The following PDE7B variants were observed in gnomAD, a reference collection of about 807,000 sequenced individuals.
PDE7B encodes 3',5'-cyclic-AMP phosphodiesterase 7B.
A neutral mutation model predicts 56.2 loss-of-function variants in PDE7B; 29 were observed. The observed-to-expected ratio is 0.52, with a 90% CI of 0.38 to 0.70. The LOEUF (loss-of-function observed/expected upper bound fraction) is 0.70. Ranked by LOEUF, PDE7B falls within the 30% of genes least tolerant of loss-of-function variation. The pLI, the probability that PDE7B is intolerant of heterozygous loss-of-function variation, is 0.00. For synonymous variants in PDE7B, 197 were observed against 196.9 expected, an observed-to-expected ratio of 1.00 and a Z score of 0.00; for missense variants, 490 against 565.0, an observed-to-expected ratio of 0.87 and a Z score of 1.35.
rs149249870 is a variant in PDE7B at position 136,015,565 on chromosome 6, G to C, written c.82+68041G>C. Among the ~76,000 whole-genome samples the C allele has an allele frequency of 1.4e-4, 21 of 152,278 alleles. No homozygotes were observed. In the East Asian group the frequency reaches 4.1e-3, roughly 29 times the overall value. Reference sequence around the variant, plus strand: ...AAGTAATATTTAAAATAAGAGAAAGGTTGGAAAATTGACCACACAATACAT... The same window carrying C: ...AAGTAATATTTAAAATAAGAGAAAGCTTGGAAAATTGACCACACAATACAT... On this transcript the variant is annotated intron_variant, in intron 2 of 12. Coordinates refer to ENST00000308191, the MANE Select transcript of PDE7B (RefSeq NM_018945.4).
At chr6:136,071,014 G>T (rs1391274665) in intron 2 of PDE7B, among the ~76,000 whole-genome samples, 1 of 151,994 alleles carries the variant, frequency 6.6e-6, no homozygotes, top group African/African-American at 2.4e-5. Context: ...CCTGTGGTCG[G>T]CCCTTTCCCA....
At position 136,025,011 on chromosome 6, in the gene PDE7B, T is replaced by C. The variant is rs554911723; in HGVS notation, c.82+77487T>C. Among the ~76,000 whole-genome samples the C allele has an allele frequency of 2.3e-4, 35 of 152,322 alleles. No homozygotes were observed. The South Asian group carries it at 7.2e-3, about 32-fold the overall frequency. On this transcript the variant is annotated intron_variant, in intron 2 of 12. Coordinates refer to ENST00000308191, the MANE Select transcript of PDE7B (RefSeq NM_018945.4). ...GGAAAACGTGACTTTACCAACCATGTTAATGGGGGAAAAGTTCTAACCCTT... is the reference window on the plus strand; with the variant it reads ...GGAAAACGTGACTTTACCAACCATGCTAATGGGGGAAAAGTTCTAACCCTT...
intron 2 of PDE7B, among the ~76,000 whole-genome samples, chr6:136,062,320 T>G (rs1776858872): frequency 6.6e-6 from 1 of 152,214 alleles, no homozygotes; most frequent in Non-Finnish European, 1.5e-5. Flanking sequence ...ATGAAGCTAA[T>G]TAATATATCC....
chr6:135,954,629 C>T (rs146322574), intron 2 of PDE7B, among the ~76,000 whole-genome samples: 1 of 152,132 alleles, frequency 6.6e-6, no homozygotes. Context: ...GGTAGAATCC[C>T]TATTGCCACA....
chr6:135,884,165 G>A (rs528936516), intron 1 of PDE7B, among the ~76,000 whole-genome samples: 28 of 152,086 alleles, frequency 1.8e-4, no homozygotes, highest in African/African-American at 5.5e-4. Context: ...AATAAATATC[G>A]CTATATATTT....
intron 3 of PDE7B, among the ~76,000 whole-genome samples, chr6:136,125,354 G>A (rs960749335): frequency 6.6e-5 from 10 of 152,050 alleles, no homozygotes; most frequent in East Asian, 1.9e-4. Flanking sequence ...CAGGAGGATC[G>A]CTTGAGGGCA....
intron 2 of PDE7B, among the ~76,000 whole-genome samples, chr6:135,963,826 T>C (rs774368076): frequency 2.6e-5 from 4 of 152,174 alleles, no homozygotes; most frequent in Non-Finnish European, 5.9e-5. Flanking sequence ...CTATTTTTAA[T>C]GAAGGGGGCT....
At chr6:136,098,678 C>T (rs1406843523) in intron 2 of PDE7B, among the ~76,000 whole-genome samples, 1 of 152,074 alleles carries the variant, frequency 6.6e-6, no homozygotes, top group South Asian at 2.1e-4. Flanking sequence ...TATACCATAT[C>T]GACTCACTTA....
chr6:135,856,614 G>C (rs988019391), intron 1 of PDE7B, among the ~76,000 whole-genome samples: 13 of 152,068 alleles, frequency 8.5e-5, no homozygotes, highest in African/African-American at 3.1e-4. Flanking sequence ...CACCTTAATC[G>C]AGACATTTCT....
At chr6:135,888,279 TTAG>T (rs1775745511) in intron 1 of PDE7B, among the ~76,000 whole-genome samples, 1 of 152,116 alleles carries the variant, frequency 6.6e-6, no homozygotes, top group Non-Finnish European at 1.5e-5. Flanking sequence ...GGTCACACAA[TTAG>T]TGTGACCTTC....
At chr6:136,163,657 T>C (rs1052811078) in intron 8 of PDE7B, among the ~76,000 whole-genome samples, 1 of 152,222 alleles carries the variant, frequency 6.6e-6, no homozygotes, top group African/African-American at 2.4e-5. Flanking sequence ...AGCCTACACA[T>C]TTTCCAAACT....
At chr6:136,049,440 A>G (rs1390435855) in intron 2 of PDE7B, 1 of 151,904 alleles carries the variant, frequency 6.6e-6, no homozygotes. Flanking sequence ...CCCACACTAG[A>G]TGCCACTGGA....
At chr6:136,130,564 G>T (rs956353565) in intron 3 of PDE7B, among the ~76,000 whole-genome samples, 1 of 152,036 alleles carries the variant, frequency 6.6e-6, no homozygotes, top group Non-Finnish European at 1.5e-5. Flanking sequence ...TTAATTTCTA[G>T]GCACTTTTAT....
intron 1 of PDE7B, among the ~76,000 whole-genome samples, chr6:135,869,189 G>T (rs1442069230): frequency 2.0e-5 from 3 of 152,080 alleles, no homozygotes; most frequent in African/African-American, 7.2e-5. Flanking sequence ...GATTGGGGTG[G>T]ATAGAGACTG....
At chr6:136,150,855 A>ATGTG (rs60877369) in intron 5 of PDE7B, among the ~76,000 whole-genome samples, 68 of 150,632 alleles carry the variant, frequency 4.5e-4, no homozygotes, top group South Asian at 1.3e-3. Context: ...ACATATACAC[A>ATGTG]TGTGTGTGTG....
At chr6:136,018,595 CA>C (rs1776017329) in intron 2 of PDE7B, among the ~76,000 whole-genome samples, 1 of 152,130 alleles carries the variant, frequency 6.6e-6, no homozygotes, top group African/African-American at 2.4e-5. Flanking sequence ...GTGAAAAGAA[CA>C]TGGTGCCTCC....
chr6:135,885,081 C>A (rs1457726531), intron 1 of PDE7B, among the ~76,000 whole-genome samples: 1 of 152,108 alleles, frequency 6.6e-6, no homozygotes, highest in Non-Finnish European at 1.5e-5. Flanking sequence ...CTGATCCAAC[C>A]CTCCACTCTC....
At chr6:136,159,015 C>A (rs1778660386) in intron 8 of PDE7B, among the ~76,000 whole-genome samples, 1 of 152,204 alleles carries the variant, frequency 6.6e-6, no homozygotes, top group South Asian at 2.1e-4. Flanking sequence ...ATCATTTACT[C>A]ATGACACAGC....
At chr6:135,961,283 G>A (rs866668441) in intron 2 of PDE7B, among the ~76,000 whole-genome samples, 718 of 104,240 alleles carry the variant, frequency 6.9e-3, no homozygotes, top group South Asian at 0.012. Flanking sequence ...GTGTGTGTAT[G>A]TGTGTGTGTG....
Sources: allele counts gnomAD v4.1 joint callset (sites outside exome capture counted in the v4.1 genomes callset), GRCh38; gene constraint gnomAD v4.1.1; transcripts MANE v1.5; gene names NCBI Gene and HGNC (gene_info 2026-07-23, HGNC 2026-07-21).